LCA5: variants seen among roughly 807,000 people sequenced by gnomAD.
The protein encoded by LCA5 is lebercilin.
In LCA5, 37 loss-of-function variants were observed where a neutral mutation model predicts 53.0. The ratio of observed to expected loss-of-function variants is 0.70; its 90% confidence interval spans 0.54 to 0.92. The LOEUF (loss-of-function observed/expected upper bound fraction) is 0.92, where lower values mean the gene tolerates loss of function less well. Among genes scored for constraint, LCA5 ranks in the 40% least tolerant of loss-of-function variants. The pLI is 0.00. For missense variants in LCA5, 806 were observed against 790.5 expected (o/e 1.02, Z -0.23); for synonymous variants, 303 against 282.9 (o/e 1.07, Z -0.71).
At chr6:79,515,146 ACT>A (rs1766389984) in intron 2 of LCA5, among the ~76,000 whole-genome samples, 1 of 152,090 alleles carries the variant, frequency 6.6e-6, no homozygotes, top group East Asian at 1.9e-4. Flanking sequence ...TTATCACTTA[ACT>A]CTCTGGACAA....
rs772195284 is a variant in LCA5, at chr6:79,518,706, T to G, written c.189A>C (p.Gln63His). Reference protein sequence around the residue: ...RQTSDGQVHHQAPRKPSPKGL... With the variant: ...RQTSDGQVHHHAPRKPSPKGL... ...CAGACTCTTTTAAAGAATGCTTACCTTGGTGATGTACTTGGCCATCTGAAG... is the reference window on the plus strand; with the variant it reads ...CAGACTCTTTTAAAGAATGCTTACCGTGGTGATGTACTTGGCCATCTGAAG... Residue 63 changes from glutamine to histidine, a missense_variant and splice_region_variant, in exon 2 of 8, where the codon CAA becomes CAC. Transcript: ENST00000369846. The G allele has an allele frequency of 6.2e-6, 10 of 1,613,952 alleles. No individual in the cohort carries two copies. In the Admixed American group the frequency reaches 1.7e-4, roughly 27 times the overall value.
At position 79,513,718 on chromosome 6, in the gene LCA5, C is replaced by A; in HGVS notation, c.214G>T (p.Gly72Cys). ...CGGACTCCCTTTCTGTTTGGTAGAC[C>A]CTTAGGGCTTGGTTTCCGAGGGGCT... is the stretch of plus-strand genomic sequence containing the variant. ...HQAPRKPSPK[G>C]LPNRKGVRVG... The change falls in exon 3 of 8, where the codon GGT becomes TGT. Residue 72 changes from glycine to cysteine, a missense_variant. Physicochemically the swap from Gly to Cys is radical, Grantham distance 159. Coordinates refer to ENST00000369846, the MANE Select transcript of LCA5 (RefSeq NM_001122769.3). 1 of 1,613,474 alleles carries A rather than the reference C, an allele frequency of 6.2e-7. No homozygotes were observed. The highest frequency in any genetic ancestry group is 1.1e-5 in the South Asian group (1 of 91,054).
chr6:79,493,883 A>T, intron 3 of LCA5, 133 bp from the exon 4 acceptor site: 1 of 642,602 alleles, frequency 1.6e-6, no homozygotes, highest in Non-Finnish European at 2.6e-6. Flanking sequence ...CATAGTATTC[A>T]TGTACATAAG....
chr6:79,521,965 C>T (rs527462924), intron 1 of LCA5, among the ~76,000 whole-genome samples: 5 of 152,132 alleles, frequency 3.3e-5, no homozygotes, highest in Middle Eastern at 3.4e-3. Flanking sequence ...GTTATCAATA[C>T]GAATTATATC....
rs369569883 is a variant in LCA5 at position 79,486,988 on chromosome 6, T to C, written c.*16A>G. 128 of 1,597,746 alleles carry C rather than the reference T, an allele frequency of 8.0e-5. No individual in the cohort carries two copies. In the Middle Eastern group the frequency reaches 1.2e-3, roughly 15 times the overall value. Reference sequence around the variant, plus strand: ...TTTCAATATTTACAATTAGAAAAAATGTATACTCTAGTCAGTCATCTCAGT... The same window carrying C: ...TTTCAATATTTACAATTAGAAAAAACGTATACTCTAGTCAGTCATCTCAGT... On this transcript the variant is annotated 3_prime_UTR_variant, in exon 8 of 8. Transcript: ENST00000369846.
At chr6:79,517,724 G>A (rs1766480077) in intron 2 of LCA5, among the ~76,000 whole-genome samples, 1 of 152,162 alleles carries the variant, frequency 6.6e-6, no homozygotes, top group African/African-American at 2.4e-5. Flanking sequence ...ATTCTTTGCA[G>A]TTTTTAATAA....
intron 1 of LCA5, among the ~76,000 whole-genome samples, chr6:79,530,353 T>C (rs891498259): frequency 2.9e-4 from 44 of 151,958 alleles, no homozygotes; most frequent in African/African-American, 1.0e-3. Context: ...CTAGGGACTA[T>C]TAAAGGGTGA....
chr6:79,520,243 A>G (rs1013348216), intron 1 of LCA5, among the ~76,000 whole-genome samples: 1 of 152,132 alleles, frequency 6.6e-6, no homozygotes, highest in Non-Finnish European at 1.5e-5. Flanking sequence ...ACAGCAAAAT[A>G]TCATGAAGCT....
chr6:79,502,240 T>A (rs1433471087), intron 3 of LCA5, among the ~76,000 whole-genome samples: 1 of 152,152 alleles, frequency 6.6e-6, no homozygotes, highest in Non-Finnish European at 1.5e-5. Flanking sequence ...GGAGGATAAT[T>A]CATCTGAATC....
At chr6:79,505,036 G>A (rs962673637) in intron 3 of LCA5, among the ~76,000 whole-genome samples, 4 of 152,124 alleles carry the variant, frequency 2.6e-5, no homozygotes, top group African/African-American at 4.8e-5. Flanking sequence ...CTTGCAACGC[G>A]TAGCCTAGAA....
intron 3 of LCA5, among the ~76,000 whole-genome samples, chr6:79,507,129 C>T (rs192077983): frequency 6.6e-6 from 1 of 152,152 alleles, no homozygotes; most frequent in African/African-American, 2.4e-5. Flanking sequence ...TTTCTTCATA[C>T]TTATCAATCA....
intron 3 of LCA5, among the ~76,000 whole-genome samples, chr6:79,498,855 T>G (rs941369174): frequency 6.6e-6 from 1 of 152,058 alleles, no homozygotes; most frequent in African/African-American, 2.4e-5. Context: ...ACAGATTATC[T>G]GTAAAAGAGA....
chr6:79,499,015 T>C lies in LCA5; in HGVS notation c.721-5265A>G, dbSNP rs1318064756. Among the ~76,000 whole-genome samples, 4 of 152,242 alleles carry C rather than the reference T, an allele frequency of 2.6e-5. No individual in the cohort carries two copies. In the East Asian group the frequency reaches 7.7e-4, roughly 29 times the overall value. ...TATTAGCAAAAGGAATTTAGCAATG[T>C]GTAAAAATTGCATCACAACTAAACA... On this transcript the variant is annotated intron_variant, in intron 3 of 7. Coordinates refer to ENST00000369846, the MANE Select transcript of LCA5 (RefSeq NM_001122769.3).
At chr6:79,522,904 CTT>C (rs5877662) in intron 1 of LCA5, among the ~76,000 whole-genome samples, 178 of 147,930 alleles carry the variant, frequency 1.2e-3, no homozygotes, top group South Asian at 0.011. Flanking sequence ...TTGATACTGT[CTT>C]TTTTTTTTTT....
chr6:79,498,122 A>C (rs1216865966), intron 3 of LCA5, among the ~76,000 whole-genome samples: 1 of 151,844 alleles, frequency 6.6e-6, no homozygotes, highest in African/African-American at 2.4e-5. Context: ...ATACACACTG[A>C]TGCATTTAGG....
At position 79,511,635 on chromosome 6, in the gene LCA5, T is replaced by C. The variant is rs939992586; in HGVS notation, c.720+1577A>G. 3.3e-5 allele frequency among the ~76,000 whole-genome samples: 5 copies of C among 152,188 alleles called. No homozygotes were observed. In the East Asian group the frequency reaches 9.6e-4, roughly 29 times the overall value. On this transcript the variant is annotated intron_variant, in intron 3 of 7. Transcript: ENST00000369846. ...TAAAACTAGTGAAAGCTGAGTGCAG[T>C]TGATGAACTCTATGTATCACGACCA...
At chr6:79,503,622 G>A (rs1318710233) in intron 3 of LCA5, among the ~76,000 whole-genome samples, 1 of 152,114 alleles carries the variant, frequency 6.6e-6, no homozygotes, top group African/African-American at 2.4e-5. Context: ...TATATTAGGT[G>A]TCCAGTAAGT....
chr6:79,512,359 G>A (rs540475536), intron 3 of LCA5, among the ~76,000 whole-genome samples: 4 of 152,068 alleles, frequency 2.6e-5, no homozygotes, highest in Admixed American at 1.3e-4. Flanking sequence ...ACTGATGTAC[G>A]GTGCATATTT....
intron 2 of LCA5, 68 bp downstream of exon 2, chr6:79,518,637 C>T: frequency 2.2e-6 from 3 of 1,392,900 alleles, no homozygotes; most frequent in Non-Finnish European, 3.1e-6. Flanking sequence ...GTATCATGCA[C>T]ACACATTTTC....
Sources: allele counts gnomAD v4.1 joint callset (sites outside exome capture counted in the v4.1 genomes callset), GRCh38; gene constraint gnomAD v4.1.1; transcripts MANE v1.5; gene names NCBI Gene and HGNC (gene_info 2026-07-23, HGNC 2026-07-21).